ATP8A2: variants seen among roughly 807,000 people sequenced by gnomAD.
ATP8A2 encodes ATPase phospholipid transporting 8A2.
ATP8A2 carries 100 observed loss-of-function variants against 165.6 expected under a neutral mutation model. The observed-to-expected ratio is 0.60, with a 90% CI of 0.51 to 0.71. The LOEUF is 0.71. ATP8A2 is among the 30% of genes least tolerant of loss of function. ATP8A2 has a pLI of 0.00. For missense variants in ATP8A2, 1,227 were observed against 1,479.5 expected (o/e 0.83, Z 2.80); for synonymous variants, 543 against 548.8 (o/e 0.99, Z 0.15).
At chr13:25,480,878 G>A (rs1352543624) in intron 2 of ATP8A2, among the ~76,000 whole-genome samples, 1 of 151,864 alleles carries the variant, frequency 6.6e-6, no homozygotes, top group Admixed American at 6.6e-5. Context: ...TGAGCACTGA[G>A]TGAACCAGAC....
intron 2 of ATP8A2, among the ~76,000 whole-genome samples, chr13:25,495,148 G>C (rs2137664224): frequency 6.6e-6 from 1 of 151,752 alleles, no homozygotes; most frequent in African/African-American, 2.4e-5. Flanking sequence ...CAACGTTCCA[G>C]TTATAACCTC....
At chr13:25,938,773 G>A (rs1202210628) in intron 33 of ATP8A2, among the ~76,000 whole-genome samples, 3 of 152,192 alleles carry the variant, frequency 2.0e-5, no homozygotes, top group East Asian at 3.9e-4. Context: ...CGTGAGTGTC[G>A]TGGGTAGATG....
At chr13:25,779,118 TAA>T (rs35128674) in intron 27 of ATP8A2, among the ~76,000 whole-genome samples, 14 of 140,706 alleles carry the variant, frequency 9.9e-5, no homozygotes, top group African/African-American at 3.1e-4. Flanking sequence ...TTTAAGATGC[TAA>T]AAAAAAAAAA....
chr13:25,396,312 A>G (rs1327730335), intron 1 of ATP8A2, among the ~76,000 whole-genome samples: 1 of 152,146 alleles, frequency 6.6e-6, no homozygotes, highest in African/African-American at 2.4e-5. Flanking sequence ...TAACTTTCTT[A>G]TGGCCAGTTT....
At chr13:25,764,911 G>A (rs975498543) in intron 25 of ATP8A2, among the ~76,000 whole-genome samples, 7 of 152,156 alleles carry the variant, frequency 4.6e-5, no homozygotes, top group African/African-American at 1.4e-4. Flanking sequence ...AGGTAAGATC[G>A]GAGGAGGTAA....
In ATP8A2 at chr13:25,635,129, C is replaced by G. The variant is rs2041337784; in HGVS notation, c.2211+45430C>G. Among the ~76,000 whole-genome samples, 3 of 152,150 alleles carry G rather than the reference C, an allele frequency of 2.0e-5. No homozygotes were observed. In the South Asian group the frequency reaches 6.2e-4, roughly 32 times the overall value. The stretch of plus-strand genomic sequence containing the variant: ...TTTGCTCTGTGCTGGGGATGTAAGA[C>G]CAAAGTCACCATGCTCATGGCTTCA... On this transcript the variant is annotated intron_variant, in intron 24 of 36. Coordinates refer to ENST00000381655, the MANE Select transcript of ATP8A2 (RefSeq NM_016529.6).
At chr13:25,806,261 G>C (rs564382565) in intron 27 of ATP8A2, among the ~76,000 whole-genome samples, 95 of 152,218 alleles carry the variant, frequency 6.2e-4, no homozygotes, top group African/African-American at 2.2e-3. Flanking sequence ...TTGTGCAAGC[G>C]TATTTGGGGT....
chr13:25,386,976 G>C (rs1235972204), intron 1 of ATP8A2, among the ~76,000 whole-genome samples: 1 of 96,602 alleles, frequency 1.0e-5, no homozygotes, highest in Non-Finnish European at 2.8e-5. Flanking sequence ...CAGCCTGGGC[G>C]TCAGAGCGAG....
At chr13:25,768,076 T>TGGGGGGGGGGGGGGG (rs397942177) in intron 25 of ATP8A2, among the ~76,000 whole-genome samples, 2 of 49,272 alleles carry the variant, frequency 4.1e-5, no homozygotes, top group Non-Finnish European at 9.5e-5. Context: ...TGTGGTGGCG[T>TGGGGGGGGGGGGGGG]GGGGGGGGGG....
At chr13:25,600,105 A>G (rs1415526530) in intron 24 of ATP8A2, among the ~76,000 whole-genome samples, 1 of 152,192 alleles carries the variant, frequency 6.6e-6, no homozygotes, top group African/African-American at 2.4e-5. Context: ...ACAGTAAGAA[A>G]ACTCTAGGGC....
intron 36 of ATP8A2, 107 bp from the exon 37 acceptor site, chr13:26,019,781 A>G (rs1957055716): frequency 1.4e-6 from 1 of 721,366 alleles, no homozygotes; most frequent in South Asian, 1.7e-5. Flanking sequence ...AGGAGGCCAG[A>G]TGTCGCACTC....
intron 24 of ATP8A2, among the ~76,000 whole-genome samples, chr13:25,629,089 G>T (rs1228955761): frequency 6.6e-6 from 1 of 152,080 alleles, no homozygotes; most frequent in Non-Finnish European, 1.5e-5. Flanking sequence ...TCTCTGACTT[G>T]CCTGTCACCC....
chr13:25,814,116 C>CACACACAG (rs1300149240), intron 27 of ATP8A2, among the ~76,000 whole-genome samples: 2 of 151,674 alleles, frequency 1.3e-5, no homozygotes, highest in East Asian at 3.9e-4. Flanking sequence ...CACACACACA[C>CACACACAG]ACACACTCAT....
At chr13:25,989,641 T>C (rs1225611505) in intron 35 of ATP8A2, among the ~76,000 whole-genome samples, 2 of 151,780 alleles carry the variant, frequency 1.3e-5, no homozygotes, top group Non-Finnish European at 2.9e-5. Flanking sequence ...TTCCTTTTCT[T>C]TTTTTCTAGC....
At chr13:25,556,235 T>C (rs184604876) in intron 13 of ATP8A2, among the ~76,000 whole-genome samples, 1 of 152,380 alleles carries the variant, frequency 6.6e-6, no homozygotes, top group East Asian at 1.9e-4. Flanking sequence ...CCACCAATAG[T>C]GGATAAGTGT....
intron 6 of ATP8A2, among the ~76,000 whole-genome samples, chr13:25,533,944 G>A (rs933110798): frequency 2.6e-5 from 4 of 152,148 alleles, no homozygotes; most frequent in Admixed American, 2.6e-4. Flanking sequence ...CTTCTTAATG[G>A]ACACAAGATG....
chr13:25,470,644 C>A (rs1023457440), intron 2 of ATP8A2, among the ~76,000 whole-genome samples: 1 of 152,138 alleles, frequency 6.6e-6, no homozygotes, highest in Non-Finnish European at 1.5e-5. Context: ...TACGTCCACA[C>A]AAAAACTCAT....
intron 1 of ATP8A2, among the ~76,000 whole-genome samples, chr13:25,461,245 G>C (rs1301404262): frequency 6.6e-6 from 1 of 152,196 alleles, no homozygotes; most frequent in Non-Finnish European, 1.5e-5. Context: ...TTGTGCAAAG[G>C]AGGGTCTTGA....
chr13:25,784,026 C>T (rs2138368419), intron 27 of ATP8A2, among the ~76,000 whole-genome samples: 1 of 152,242 alleles, frequency 6.6e-6, no homozygotes, highest in African/African-American at 2.4e-5. Flanking sequence ...GGATTCCCTA[C>T]AAGATACACA....
Sources: allele counts gnomAD v4.1 joint callset (sites outside exome capture counted in the v4.1 genomes callset), GRCh38; gene constraint gnomAD v4.1.1; transcripts MANE v1.5; gene names NCBI Gene and HGNC (gene_info 2026-07-23, HGNC 2026-07-21).